TMEM132D: variants seen among roughly 807,000 people sequenced by gnomAD.
TMEM132D encodes the protein transmembrane protein 132D.
In TMEM132D, 21 loss-of-function variants were observed where a neutral mutation model predicts 62.3. The observed-to-expected ratio is 0.34, with a 90% CI of 0.24 to 0.49. TMEM132D has a LOEUF of 0.49. Ranked by LOEUF, TMEM132D falls within the 20% of genes least tolerant of loss-of-function variation. The probability of loss-of-function intolerance (pLI) is 0.99; values close to 1 mark genes in which losing one functional copy is unlikely to be tolerated. For synonymous variants in TMEM132D, 621 were observed against 575.6 expected (o/e 1.08, Z -1.13); for missense variants, 1,346 against 1,402.8 (o/e 0.96, Z 0.65).
intron 2 of TMEM132D, among the ~76,000 whole-genome samples, chr12:129,645,431 G>A (rs994216045): frequency 5.9e-5 from 9 of 152,044 alleles, no homozygotes; most frequent in African/African-American, 2.2e-4. Flanking sequence ...CATTTGGAAG[G>A]CCCCCACATA....
At chr12:129,432,917 G>A (rs888074523) in intron 3 of TMEM132D, among the ~76,000 whole-genome samples, 1 of 152,176 alleles carries the variant, frequency 6.6e-6, no homozygotes, top group African/African-American at 2.4e-5. Context: ...GGCCCCTTGG[G>A]TCACCTTGCA....
chr12:129,429,274 G>T (rs1872584114), intron 3 of TMEM132D, among the ~76,000 whole-genome samples: 1 of 152,214 alleles, frequency 6.6e-6, no homozygotes, highest in Admixed American at 6.5e-5. Flanking sequence ...TAGACGAGCT[G>T]AATCTGTCAG....
Position 129,072,579 on chromosome 12 carries a change from T to G in TMEM132D, c.*1296A>C, listed in dbSNP as rs1874106895. On this transcript the variant is annotated 3_prime_UTR_variant, in exon 9 of 9. Coordinates refer to ENST00000422113, the MANE Select transcript of TMEM132D (RefSeq NM_133448.3). ...CTTCACCACATGCACTGATGCCCCT[T>G]ATCCCTTCGCACCTCCAAGATGAAG... 1 of 152,334 alleles carries G rather than the reference T, an allele frequency of 6.6e-6. No individual in the cohort carries two copies. The highest frequency in any genetic ancestry group is 1.5e-5 in the Non-Finnish European group (1 of 68,138). 9.4% of individuals were successfully genotyped at this position (152,334 alleles called of 1,614,324 possible). A position where few individuals can be genotyped will look rare whatever the true frequency, so the allele number is the denominator to read the frequency against.
chr12:129,379,166 T>C (rs1396556635), intron 3 of TMEM132D, among the ~76,000 whole-genome samples: 2 of 152,212 alleles, frequency 1.3e-5, no homozygotes, highest in East Asian at 3.8e-4. Context: ...ATTTGAGATC[T>C]GAATTTGGCC....
chr12:129,438,312 T>C (rs918030855), intron 3 of TMEM132D, among the ~76,000 whole-genome samples: 3 of 152,148 alleles, frequency 2.0e-5, no homozygotes, highest in South Asian at 4.1e-4. Context: ...TGAAGACACA[T>C]GTGCAGAAAG....
chr12:129,478,707 T>G (rs1223664780), intron 3 of TMEM132D, among the ~76,000 whole-genome samples: 1 of 152,168 alleles, frequency 6.6e-6, no homozygotes, highest in East Asian at 1.9e-4. Flanking sequence ...AGTACATCCT[T>G]TTCCGCTCTT....
intron 3 of TMEM132D, among the ~76,000 whole-genome samples, chr12:129,360,655 G>A (rs1870216239): frequency 6.6e-6 from 1 of 152,124 alleles, no homozygotes; most frequent in Admixed American, 6.5e-5. Flanking sequence ...ACTCTGGCCG[G>A]GGATGCTGAG....
intron 3 of TMEM132D, among the ~76,000 whole-genome samples, chr12:129,410,965 T>C (rs1454572234): frequency 6.8e-6 from 1 of 147,646 alleles, no homozygotes; most frequent in Non-Finnish European, 1.5e-5. Flanking sequence ...TTTTCAATTT[T>C]TTTAAGTTTA....
chr12:129,601,305 T>C (rs970210872), intron 2 of TMEM132D, among the ~76,000 whole-genome samples: 3 of 152,232 alleles, frequency 2.0e-5, no homozygotes, highest in African/African-American at 4.8e-5. Flanking sequence ...GATAAGGCTT[T>C]AGCTTAAGAG....
chr12:129,667,215 G>T (rs1406931789), intron 2 of TMEM132D, among the ~76,000 whole-genome samples: 1 of 152,108 alleles, frequency 6.6e-6, no homozygotes, highest in Admixed American at 6.6e-5. Context: ...TTACCTTACG[G>T]TCAAACTAAT....
intron 5 of TMEM132D, among the ~76,000 whole-genome samples, chr12:129,191,751 T>C (rs1237079869): frequency 6.7e-6 from 1 of 149,254 alleles, no homozygotes; most frequent in Non-Finnish European, 1.5e-5. Context: ...TAATGAACCA[T>C]ACACACACAC....
chr12:129,402,923 C>G (rs1871664317), intron 3 of TMEM132D, among the ~76,000 whole-genome samples: 1 of 152,004 alleles, frequency 6.6e-6, no homozygotes, highest in South Asian at 2.1e-4. Flanking sequence ...TCACAGCACC[C>G]ACAGTCACCT....
At chr12:129,604,237 T>C (rs1878557124) in intron 2 of TMEM132D, among the ~76,000 whole-genome samples, 2 of 152,104 alleles carry the variant, frequency 1.3e-5, no homozygotes, top group South Asian at 2.1e-4. Flanking sequence ...AAAACCCAGA[T>C]GATGGGTTGA....
intron 1 of TMEM132D, among the ~76,000 whole-genome samples, chr12:129,901,585 C>T (rs977097252): frequency 3.3e-5 from 5 of 152,084 alleles, no homozygotes; most frequent in Admixed American, 6.5e-5. Context: ...TTTTTGGCCA[C>T]CTAGTAAAGA....
rs181539275 is a variant in TMEM132D, at chr12:129,119,678, T to A, written c.1444-34976A>T. 7.4e-3 allele frequency among the ~76,000 whole-genome samples: 1,128 copies of A among 152,278 alleles called. 16 individuals carry two copies. Among genetic ancestry groups the A allele is most frequent in the African/African-American group, 0.025 (1,047 of 41,524 alleles). ...CAAACAAGACTACACAGGGTTAGTG[T>A]AGTTTCTTCATCCAACAAATGTCTG... On this transcript the variant is annotated intron_variant, in intron 5 of 8. Transcript: ENST00000422113.
At chr12:129,510,056 A>T (rs779293971) in intron 3 of TMEM132D, among the ~76,000 whole-genome samples, 1 of 152,188 alleles carries the variant, frequency 6.6e-6, no homozygotes, top group Non-Finnish European at 1.5e-5. Context: ...ACTATTCTGC[A>T]TAGTGGCTGT....
intron 7 of TMEM132D, 141 bp downstream of exon 7, chr12:129,081,618 C>A (rs1433350548): frequency 1.0e-5 from 13 of 1,280,054 alleles, no homozygotes; most frequent in Non-Finnish European, 1.4e-5. Context: ...GTATTGCTTA[C>A]TCCACAATTT....
intron 5 of TMEM132D, among the ~76,000 whole-genome samples, chr12:129,205,552 T>C (rs1342599751): frequency 6.6e-6 from 1 of 152,126 alleles, no homozygotes; most frequent in Non-Finnish European, 1.5e-5. Context: ...CTTAGATCCC[T>C]ATGCAATAAT....
At chr12:129,284,361 T>A (rs1881236893) in intron 4 of TMEM132D, among the ~76,000 whole-genome samples, 1 of 152,234 alleles carries the variant, frequency 6.6e-6, no homozygotes, top group African/African-American at 2.4e-5. Flanking sequence ...ACTTACAGAA[T>A]CATGCAAGAA....
Sources: allele counts gnomAD v4.1 joint callset (sites outside exome capture counted in the v4.1 genomes callset), GRCh38; gene constraint gnomAD v4.1.1; transcripts MANE v1.5; gene names NCBI Gene and HGNC (gene_info 2026-07-23, HGNC 2026-07-21).